DDX17: variants seen among roughly 807,000 people sequenced by gnomAD.
DDX17 encodes probable ATP-dependent RNA helicase DDX17.
Under a neutral mutation model 80.8 loss-of-function variants are expected in DDX17, and 10 were observed. The observed-to-expected ratio is 0.12, with a 90% CI of 0.08 to 0.21. The LOEUF (loss-of-function observed/expected upper bound fraction) is 0.21. Ranked by LOEUF, DDX17 falls within the 10% of genes least tolerant of loss-of-function variation. The pLI, the probability that DDX17 is intolerant of heterozygous loss-of-function variation, is 1.00. For synonymous variants in DDX17, 339 were observed against 336.2 expected (o/e 1.01, Z -0.09); for missense variants, 586 against 957.4 (o/e 0.61, Z 5.12).
Position 38,498,068 on chromosome 22 carries a change from A to G in DDX17, c.738+17T>C. ...GTAGTTTTTCTTAGAATTACAAAGA[A>G]ACTGAAACACACTTACGATTGGGCC... On this transcript the variant is annotated intron_variant, in intron 5 of 12. Coordinates refer to ENST00000403230, the MANE Select transcript of DDX17 (RefSeq NM_006386.5). The G allele has an allele frequency of 6.2e-7, 1 of 1,611,612 alleles. No homozygotes were observed. Among genetic ancestry groups the G allele is most frequent in the Non-Finnish European group, 8.5e-7 (1 of 1,178,168 alleles).
intron 11 of DDX17, chr22:38,488,732 C>G: frequency 1.0e-6 from 1 of 986,142 alleles, no homozygotes; most frequent in South Asian, 4.7e-5. Flanking sequence ...AAGTACACAC[C>G]TATTTTCCTT....
rs901313626 is a variant in DDX17 at position 38,483,482 on chromosome 22, A to T, written c.*2453T>A. ...TATTTATACCTACAAAAAGAAAACA[A>T]GATGATGGTATCAAAAGGACAATTT... On this transcript the variant is annotated 3_prime_UTR_variant, in exon 13 of 13. Coordinates refer to ENST00000403230, the MANE Select transcript of DDX17 (RefSeq NM_006386.5). 6.6e-6 allele frequency: 1 copy of T among 152,650 alleles called. No homozygotes were observed. Among genetic ancestry groups the T allele is most frequent in the Non-Finnish European group, 1.5e-5 (1 of 68,046 alleles). 9.5% of individuals were successfully genotyped at this position (152,650 alleles called of 1,614,324 possible).
intron 10 of DDX17, 82 bp downstream of exon 10, chr22:38,493,628 C>A: frequency 8.6e-7 from 1 of 1,158,416 alleles, no homozygotes; most frequent in Non-Finnish European, 1.3e-6. Context: ...AGAAAGTTTG[C>A]CTATCCCTGA....
chr22:38,494,734 G>A lies in DDX17; in HGVS notation c.1110C>T (p.Phe370=). 6.2e-7 allele frequency: 1 copy of A among 1,614,186 alleles called. No homozygotes were observed. The highest frequency in any genetic ancestry group is 2.2e-5 in the East Asian group (1 of 44,882). Residue 370 remains phenylalanine, a synonymous_variant, in exon 8 of 13, where the codon TTC becomes TTT. Coordinates refer to ENST00000403230, the MANE Select transcript of DDX17 (RefSeq NM_006386.5). Reference sequence around the variant, plus strand: ...CGTTGATCTGGGTGTAATCACGAAGGAAATCCTCTGCAAGCTGTCTTACTT... The same window carrying A: ...CGTTGATCTGGGTGTAATCACGAAGAAAATCCTCTGCAAGCTGTCTTACTT...
intron 11 of DDX17, chr22:38,488,693 T>G: frequency 2.0e-6 from 2 of 988,088 alleles, no homozygotes; most frequent in Non-Finnish European, 2.4e-6. Flanking sequence ...TCTTATCTTT[T>G]TAAGAAACTG....
In DDX17 at chr22:38,499,583, C is replaced by G. The variant is rs2089806218; in HGVS notation, c.439-84G>C. 1.7e-5 allele frequency: 18 copies of G among 1,065,734 alleles called. 1 individual carries two copies. The highest frequency in any genetic ancestry group is 1.5e-4 in the South Asian group (12 of 78,928). The allele number at this position is 1,065,734 out of a possible 1,614,324, so 66.0% of individuals were successfully genotyped here. On this transcript the variant is annotated intron_variant, in intron 2 of 12. Coordinates refer to ENST00000403230, the MANE Select transcript of DDX17 (RefSeq NM_006386.5). ...TGTTCCAAGCTAGCTGAGCAATTAT[C>G]CAGTCCACAGCTATGTTGGCAAATA...
At chr22:38,488,768 C>T (rs1356323310) in intron 11 of DDX17, 1 of 985,668 alleles carries the variant, frequency 1.0e-6, no homozygotes, top group African/African-American at 1.7e-5. Context: ...ATTATCTATC[C>T]CCTTTCAATT....
At chr22:38,498,691 T>G (rs1383850156) in intron 3 of DDX17, 118 bp from the exon 4 acceptor site, 1 of 1,127,588 alleles carries the variant, frequency 8.9e-7, no homozygotes, top group Non-Finnish European at 1.3e-6. Flanking sequence ...CTCTCCAAAG[T>G]GCTTTTTCTT....
chr22:38,505,695 G>T, intron 1 of DDX17: 1 of 470,156 alleles, frequency 2.1e-6, no homozygotes, highest in Non-Finnish European at 3.7e-6. Flanking sequence ...CCCCCGCGGG[G>T]CTGGGATGGG....
chr22:38,487,928 A>G lies in DDX17; in HGVS notation c.1635T>C (p.Asn545=), dbSNP rs2089676742. The G allele has an allele frequency of 6.2e-7, 1 of 1,614,026 alleles. No individual in the cohort carries two copies. The change falls in exon 12 of 13, where the codon AAT becomes AAC. Residue 545 remains asparagine, a synonymous_variant. Coordinates refer to ENST00000403230, the MANE Select transcript of DDX17 (RefSeq NM_006386.5). ...GGTCCACAAGCTGCATCAGTTTTGG[A>G]TTGATAGCCTGATTGGCCTCTTCCA...
intron 1 of DDX17, among the ~76,000 whole-genome samples, chr22:38,504,700 A>C (rs920661171): frequency 2.0e-5 from 3 of 152,214 alleles, no homozygotes; most frequent in Admixed American, 6.5e-5. Context: ...TGTGGATCTG[A>C]ACCACAAAAG....
chr22:38,498,384 T>C, intron 4 of DDX17, 56 bp downstream of exon 4: 1 of 1,607,344 alleles, frequency 6.2e-7, no homozygotes, highest in South Asian at 1.1e-5. Context: ...GTATGACAAC[T>C]AGAATAGCAA....
At chr22:38,498,266 G>A (rs938694666) in intron 4 of DDX17, 116 bp from the exon 5 acceptor site, 10 of 1,380,026 alleles carry the variant, frequency 7.2e-6, no homozygotes, top group Non-Finnish European at 8.0e-6. Flanking sequence ...ACTTACCACT[G>A]CTATATACAG....
At chr22:38,500,192 AATCT>A (rs2089813674) in intron 2 of DDX17, among the ~76,000 whole-genome samples, 1 of 142,624 alleles carries the variant, frequency 7.0e-6, no homozygotes, top group African/African-American at 2.6e-5. Context: ...AAAAAAAGCC[AATCT>A]ATCTTTTTCA....
chr22:38,505,962 A>ACGATCC lies in DDX17; in HGVS notation c.270_275dup (p.Asp93_Arg94dup). 6.4e-7 allele frequency: 1 copy of ACGATCC among 1,569,550 alleles called. No homozygotes were observed. Among genetic ancestry groups the ACGATCC allele is most frequent in the Non-Finnish European group, 8.6e-7 (1 of 1,159,656 alleles). ...TCCCCCACCCTTACCCTCCACGGTC[A>ACGATCC]CGATCCCGGTCCCGGTCCCCAAAGC... On this transcript the variant is annotated inframe_insertion, in exon 1 of 13. Transcript: ENST00000403230.
intron 10 of DDX17, among the ~76,000 whole-genome samples, chr22:38,492,580 G>A (rs2089724121): frequency 1.3e-5 from 2 of 152,160 alleles, no homozygotes; most frequent in African/African-American, 4.8e-5. Flanking sequence ...TCCACCTCCC[G>A]GGTTCAAGCG....
At chr22:38,488,494 A>G in intron 11 of DDX17, 1 of 1,078,896 alleles carries the variant, frequency 9.3e-7, no homozygotes, top group East Asian at 7.2e-5. Context: ...AAAGTGGTAA[A>G]CCACTGTGAA....
At position 38,485,779 on chromosome 22, in the gene DDX17, G is replaced by C; in HGVS notation, c.*156C>G. 8.9e-7 allele frequency: 1 copy of C among 1,128,722 alleles called. No individual in the cohort carries two copies. Among genetic ancestry groups the C allele is most frequent in the South Asian group, 1.9e-5 (1 of 53,036 alleles). 69.9% of individuals were successfully genotyped at this position (1,128,722 alleles called of 1,614,324 possible). Reference sequence around the variant, plus strand: ...CCTGGCAGTGAATTCTAACTAATCTGCATGAAAAGACAAATCACGATGGTT... The same window carrying C: ...CCTGGCAGTGAATTCTAACTAATCTCCATGAAAAGACAAATCACGATGGTT... On this transcript the variant is annotated 3_prime_UTR_variant, in exon 13 of 13. Coordinates refer to ENST00000403230, the MANE Select transcript of DDX17 (RefSeq NM_006386.5).
chr22:38,490,045 G>T, intron 11 of DDX17: 2 of 1,045,862 alleles, frequency 1.9e-6, no homozygotes, highest in South Asian at 3.1e-5. Context: ...AGAAGGGGGT[G>T]CTCAATAGAG....
Sources: gnomAD v4.1 joint callset for allele counts (sites outside exome capture counted in the v4.1 genomes callset) on GRCh38, gnomAD v4.1.1 for gene constraint, MANE v1.5 for transcripts, NCBI Gene and HGNC (gene_info 2026-07-23, HGNC 2026-07-21) for gene names.